POLR2E: variants seen among roughly 807,000 people sequenced by gnomAD.
POLR2E encodes DNA-directed RNA polymerases I, II, and III subunit RPABC1.
In POLR2E, 35 loss-of-function variants were observed where a neutral mutation model predicts 29.8. That is an observed-to-expected ratio of 1.17 (90% CI 0.90 to 1.55). The LOEUF (loss-of-function observed/expected upper bound fraction) is 1.55, where lower values mean the gene tolerates loss of function less well. Ranked by LOEUF, POLR2E falls within the 40% of genes most tolerant of loss-of-function variation. The pLI, the probability that POLR2E is intolerant of heterozygous loss-of-function variation, is 0.00. For missense variants in POLR2E, 287 were observed against 288.6 expected, an observed-to-expected ratio of 0.99 and a Z score of 0.04; for synonymous variants, 174 against 112.6, an observed-to-expected ratio of 1.55 and a Z score of -3.45.
At chr19:1,094,980 C>G in intron 1 of POLR2E, 1 of 417,138 alleles carries the variant, frequency 2.4e-6, no homozygotes, top group East Asian at 5.2e-5. Context: ...TTCGCGGCTT[C>G]CTCCTCCTCT....
chr19:1,090,292 C>CCA lies in POLR2E; in HGVS notation c.430-149_430-148dup, dbSNP rs897838842. The CCA allele has an allele frequency of 4.2e-6, 3 of 708,898 alleles. No homozygotes were observed. The African/African-American group carries it at 5.2e-5, about 12-fold the overall frequency. 43.9% of individuals were successfully genotyped at this position (708,898 alleles called of 1,614,324 possible). On this transcript the variant is annotated intron_variant, in intron 4 of 7. Transcript: ENST00000615234. ...CCGGCACTCAGGGAGCCCACCCACC[C>CCA]CACCCTGGCTCCACAGGCGGGGGAC...
At position 1,095,345 on chromosome 19, in the gene POLR2E, C is replaced by T. The variant is rs777901343; in HGVS notation, c.-30G>A. The T allele has an allele frequency of 5.0e-6, 8 of 1,612,086 alleles. No individual in the cohort carries two copies. Among genetic ancestry groups the T allele is most frequent in the Non-Finnish European group, 6.8e-6 (8 of 1,179,280 alleles). On this transcript the variant is annotated 5_prime_UTR_variant, in exon 1 of 8. In the 5' UTR this introduces an upstream ATG that the reference lacks. Coordinates refer to ENST00000615234, the MANE Select transcript of POLR2E (RefSeq NM_002695.5). ...GCCTCCGCCGCCGCCGCCGCTCGCA[C>T]CCCTTCTCCGCGCGAGAACCCGCGC...
chr19:1,093,634 C>A, intron 2 of POLR2E: 1 of 783,086 alleles, frequency 1.3e-6, no homozygotes, highest in Non-Finnish European at 1.8e-6. Context: ...ACATGGGGGG[C>A]TGGGGGTGAG....
Position 1,095,278 on chromosome 19 carries a change from A to G in POLR2E, c.38T>C (p.Ile13Thr), listed in dbSNP as rs570436933. 3 of 1,612,946 alleles carry G rather than the reference A, an allele frequency of 1.9e-6. No individual in the cohort carries two copies. Among genetic ancestry groups the G allele is most frequent in the South Asian group, 2.2e-5 (2 of 91,062 alleles). Residue 13 changes from isoleucine (I) to threonine (T), a missense_variant, in exon 1 of 8, where the codon ATC (isoleucine) becomes ACC (threonine). By Grantham distance (89) the Ile-to-Thr change is moderately conservative (BLOSUM62 -1). Coordinates refer to ENST00000615234, the MANE Select transcript of POLR2E (RefSeq NM_002695.5). ...GCTCACCTGCATGATGGTCTTGCGG[A>G]TTTTCCAGAGCCGGTACGTCTCCTC... Reference protein sequence around the residue: ...DEEETYRLWKIRKTIMQLCHD... With the variant: ...DEEETYRLWKTRKTIMQLCHD...
Position 1,089,911 on chromosome 19 carries a change from C to T in POLR2E, c.540G>A (p.Ala180=), listed in dbSNP as rs747349958. The T allele has an allele frequency of 3.0e-5, 48 of 1,612,610 alleles. No homozygotes were observed. Among genetic ancestry groups the T allele is most frequent in the Admixed American group, 1.8e-4 (11 of 59,980 alleles). ...GCCCACGCTTTATCCCAAAGTAGCG[C>T]GCCACAGGGTCCCCCGCCTGGATCC... is the stretch of plus-strand genomic sequence containing the variant. The part of the protein sequence containing the change: ...LPRIQAGDPV[A]RYFGIKRGQV... Residue 180 remains alanine (A), a synonymous_variant, in exon 6 of 8, where the codon GCG becomes GCA. Coordinates refer to ENST00000615234, the MANE Select transcript of POLR2E (RefSeq NM_002695.5).
Position 1,095,320 on chromosome 19 carries a change from G to C in POLR2E, c.-5C>G. Reference sequence around the variant, plus strand: ...CGTCTCCTCCTCGTCGTCCATGGCAGCCTCCGCCGCCGCCGCCGCTCGCAC... The same window carrying C: ...CGTCTCCTCCTCGTCGTCCATGGCACCCTCCGCCGCCGCCGCCGCTCGCAC... On this transcript the variant is annotated 5_prime_UTR_variant, in exon 1 of 8. Coordinates refer to ENST00000615234, the MANE Select transcript of POLR2E (RefSeq NM_002695.5). 1.9e-6 allele frequency: 3 copies of C among 1,612,048 alleles called. No homozygotes were observed. Among genetic ancestry groups the C allele is most frequent in the Non-Finnish European group, 2.5e-6 (3 of 1,179,536 alleles).
At chr19:1,094,210 G>A in intron 1 of POLR2E, 132 bp from the exon 2 acceptor site, 2 of 781,060 alleles carry the variant, frequency 2.6e-6, no homozygotes, top group East Asian at 5.6e-5. Flanking sequence ...CACTCACTGT[G>A]TGCTCCATGA....
chr19:1,091,623 G>T (rs896932064), intron 3 of POLR2E, 169 bp downstream of exon 3: 4 of 601,642 alleles, frequency 6.6e-6, no homozygotes, highest in South Asian at 1.9e-5. Context: ...GCCCATGGAC[G>T]CGGTGGGAGG....
intron 3 of POLR2E, 50 bp downstream of exon 3, chr19:1,091,739 GGGA>G: frequency 8.1e-7 from 1 of 1,237,570 alleles, no homozygotes; most frequent in Non-Finnish European, 1.2e-6. Flanking sequence ...TACTGCTTGC[GGGA>G]GGAGGCTGGG....
At chr19:1,093,144 C>T (rs530658074) in intron 2 of POLR2E, among the ~76,000 whole-genome samples, 1 of 151,032 alleles carries the variant, frequency 6.6e-6, no homozygotes, top group African/African-American at 2.4e-5. Context: ...CGAGATGGCA[C>T]CACTGCACTC....
rs939802950 is a variant in POLR2E at position 1,088,065 on chromosome 19, C to T, written c.*670G>A. On this transcript the variant is annotated 3_prime_UTR_variant, in exon 8 of 8. Transcript: ENST00000615234. ...GGGCGAGGGCCTGGGGAGACACTGA[C>T]CCCTGAAGCCAGCGCGAGGAGGGCA... The T allele has an allele frequency of 2.0e-5, 3 of 152,388 alleles. No individual in the cohort carries two copies. The highest frequency in any genetic ancestry group is 1.9e-4 in the East Asian group (1 of 5,302). 9.4% of individuals were successfully genotyped at this position (152,388 alleles called of 1,614,324 possible). A position where few individuals can be genotyped will look rare whatever the true frequency, so the allele number is the denominator to read the frequency against.
Position 1,090,099 on chromosome 19 carries a change from A to G in POLR2E, c.476T>C (p.Leu159Pro), listed in dbSNP as rs764019574. Residue 159 changes from leucine to proline, a missense_variant, in exon 5 of 8, where the codon CTG (leucine) becomes CCG (proline). Transcript: ENST00000615234. ...CTGGAAAGGATACTATCGGGCCAGC[A>G]GCTCTGTCACCTCCTCCTTGGTCAT... ...VVMTKEEVTE[L>P]LARYKLRENQ... 9.3e-6 allele frequency: 15 copies of G among 1,612,446 alleles called. No homozygotes were observed. In the Admixed American group the frequency reaches 1.2e-4, roughly 13 times the overall value.
rs567161923 is a variant in POLR2E at position 1,087,738 on chromosome 19, A to C, written c.*997T>G. ...CACACACACAGTCCGCGGCCTGGGG[A>C]TCTGGGGACCCTGCTGCACAGAACA... is the stretch of plus-strand genomic sequence containing the variant. On this transcript the variant is annotated 3_prime_UTR_variant, in exon 8 of 8. Coordinates refer to ENST00000615234, the MANE Select transcript of POLR2E (RefSeq NM_002695.5). 1 of 152,420 alleles carries C rather than the reference A, an allele frequency of 6.6e-6. No homozygotes were observed. The highest frequency in any genetic ancestry group is 2.4e-5 in the African/African-American group (1 of 41,552). 9.4% of individuals were successfully genotyped at this position (152,420 alleles called of 1,614,324 possible).
At chr19:1,093,776 T>A in intron 2 of POLR2E, 128 bp downstream of exon 2, 12 of 1,367,596 alleles carry the variant, frequency 8.8e-6, no homozygotes, top group Non-Finnish European at 9.4e-6. Context: ...GGGAGGGGAG[T>A]TTTCCTCCCA....
chr19:1,091,719 C>T (rs1038013295), intron 3 of POLR2E, 73 bp downstream of exon 3: 116 of 1,027,816 alleles, frequency 1.1e-4, no homozygotes, highest in Non-Finnish European at 1.5e-4. Context: ...GCACGTGGGC[C>T]GCCTGTGGGT....
chr19:1,090,405 C>G (rs2043803380), intron 4 of POLR2E, among the ~76,000 whole-genome samples: 2 of 151,826 alleles, frequency 1.3e-5, no homozygotes, highest in Admixed American at 6.6e-5. Flanking sequence ...CACTAGGGTC[C>G]CTCCACACTC....
Position 1,089,518 on chromosome 19 carries a change from C to T in POLR2E, c.601G>A (p.Gly201Ser). ...ACCAGCCGGTAGGTGATGTACCTGC[C>T]AGCCGTCTCACTGGGCCGGATGATC... ...VKIIRPSETA[G>S]RYITYRLVQ is the part of the protein sequence containing the mutation. The change falls in exon 7 of 8, where the codon GGC becomes AGC. Residue 201 changes from glycine (G) to serine (S), a missense_variant. Transcript: ENST00000615234. 4 of 1,613,858 alleles carry T rather than the reference C, an allele frequency of 2.5e-6. No homozygotes were observed. Among genetic ancestry groups the T allele is most frequent in the Non-Finnish European group, 3.4e-6 (4 of 1,179,854 alleles).
At chr19:1,091,987 T>C in intron 2 of POLR2E, 80 bp from the exon 3 acceptor site, 1 of 966,398 alleles carries the variant, frequency 1.0e-6, no homozygotes, top group Non-Finnish European at 1.7e-6. Flanking sequence ...AGCACCCAGG[T>C]TCCAGCCCCA....
At chr19:1,095,112 C>G in intron 1 of POLR2E, 147 bp downstream of exon 1, 1 of 781,226 alleles carries the variant, frequency 1.3e-6, no homozygotes, top group Non-Finnish European at 2.0e-6. Context: ...GCCTGGTATC[C>G]CCGGCGACCT....
Sources: allele counts gnomAD v4.1 joint callset (sites outside exome capture counted in the v4.1 genomes callset), GRCh38; gene constraint gnomAD v4.1.1; transcripts MANE v1.5; gene names NCBI Gene and HGNC (gene_info 2026-07-23, HGNC 2026-07-21).